BACH2: variants seen among roughly 807,000 people sequenced by gnomAD.
BACH2 encodes BACH transcriptional regulator 2.
BACH2 carries 5 observed loss-of-function variants against 61.8 expected under a neutral mutation model. The ratio of observed to expected loss-of-function variants is 0.08; its 90% CI spans 0.04 to 0.17. BACH2 has a LOEUF of 0.17. Among genes scored for constraint, BACH2 ranks in the 10% least tolerant of loss-of-function variants. BACH2 has a pLI of 1.00. For missense variants in BACH2, 824 were observed against 1,091.1 expected (o/e 0.76, Z 3.45); for synonymous variants, 446 against 440.1 (o/e 1.01, Z -0.17).
chr6:90,219,814 ACG>A lies in BACH2; in HGVS notation c.-274-13135_-274-13134del, dbSNP rs769933626. Among the ~76,000 whole-genome samples the A allele has an allele frequency of 6.1e-4, 69 of 113,708 alleles. 1 individual carries two copies. The highest frequency in any genetic ancestry group is 4.9e-3 in the Middle Eastern group (1 of 204). The allele number at this position is 113,708 out of a possible 152,430, so 74.6% of individuals were successfully genotyped here. On this transcript the variant is annotated intron_variant, in intron 3 of 8. Transcript: ENST00000257749. ...CACACACACACACACACACACACAC[ACG>A]CTCCCGAAGTTTGCCTCTGCATTCA...
intron 6 of BACH2, among the ~76,000 whole-genome samples, chr6:90,006,312 G>C (rs1487825246): frequency 1.3e-5 from 2 of 152,158 alleles, no homozygotes; most frequent in Admixed American, 1.3e-4. Flanking sequence ...ATCTCACCTA[G>C]TCCTCATGGC....
intron 3 of BACH2, among the ~76,000 whole-genome samples, chr6:90,214,383 C>G (rs1048314136): frequency 3.9e-5 from 6 of 152,112 alleles, no homozygotes; most frequent in Admixed American, 3.9e-4. Flanking sequence ...CTGTACAATT[C>G]AGGCAAACAT....
chr6:89,964,396 T>C (rs1774933326), intron 6 of BACH2, among the ~76,000 whole-genome samples: 1 of 152,188 alleles, frequency 6.6e-6, no homozygotes, highest in South Asian at 2.1e-4. Flanking sequence ...ATTGAACTTA[T>C]TTAACACTAC....
At chr6:89,962,076 G>A (rs1290186814) in intron 6 of BACH2, among the ~76,000 whole-genome samples, 1 of 152,026 alleles carries the variant, frequency 6.6e-6, no homozygotes. Flanking sequence ...TCTTCTCTTT[G>A]TTTTGCAAAT....
At chr6:90,027,475 GA>G (rs1268540649) in intron 5 of BACH2, among the ~76,000 whole-genome samples, 1 of 152,158 alleles carries the variant, frequency 6.6e-6, no homozygotes, top group Non-Finnish European at 1.5e-5. Context: ...TTAAGGAAGA[GA>G]TTTTTTTTTA....
intron 3 of BACH2, among the ~76,000 whole-genome samples, chr6:90,216,075 T>C (rs1411714292): frequency 6.6e-6 from 1 of 152,106 alleles, no homozygotes; most frequent in Admixed American, 6.5e-5. Context: ...CCTTAACACA[T>C]CAGGGAGGTC....
At chr6:90,099,528 G>GC (rs1372299918) in intron 4 of BACH2, among the ~76,000 whole-genome samples, 1 of 152,142 alleles carries the variant, frequency 6.6e-6, no homozygotes, top group Non-Finnish European at 1.5e-5. Flanking sequence ...ACAGGTGTGT[G>GC]CCCTTAAAAC....
chr6:90,080,010 T>C (rs559730582), intron 5 of BACH2, among the ~76,000 whole-genome samples: 1 of 152,032 alleles, frequency 6.6e-6, no homozygotes, highest in East Asian at 1.9e-4. Context: ...TGTCAGTCAG[T>C]GTACAGACAA....
At chr6:90,272,260 GT>G (rs901093015) in intron 1 of BACH2, among the ~76,000 whole-genome samples, 5 of 149,478 alleles carry the variant, frequency 3.3e-5, no homozygotes, top group South Asian at 2.1e-4. Context: ...CTGTTCAGTA[GT>G]TTTTTTTTTC....
At chr6:90,000,196 G>A (rs1318276549) in intron 6 of BACH2, among the ~76,000 whole-genome samples, 1 of 152,098 alleles carries the variant, frequency 6.6e-6, no homozygotes, top group African/African-American at 2.4e-5. Context: ...AATAGTATTA[G>A]CTCCCCTTTC....
intron 4 of BACH2, among the ~76,000 whole-genome samples, chr6:90,103,029 ATTTTTT>A (rs371386234): frequency 1.4e-4 from 3 of 21,164 alleles, no homozygotes; most frequent in African/African-American, 2.4e-4. Flanking sequence ...ATATATATAT[ATTTTTT>A]TTTTTTTTTT....
chr6:89,927,129 T>C lies in BACH2; in HGVS notation c.*5279A>G, dbSNP rs1772395776. On this transcript the variant is annotated 3_prime_UTR_variant, in exon 9 of 9. Coordinates refer to ENST00000257749, the MANE Select transcript of BACH2 (RefSeq NM_021813.4). ...GGTTCTGGAACAAATTGTCAAATTG[T>C]CACAGGCTCTCTTGGCCTCACTAGC... 6.5e-6 allele frequency: 1 copy of C among 152,800 alleles called. No homozygotes were observed. Among genetic ancestry groups the C allele is most frequent in the African/African-American group, 2.4e-5 (1 of 41,458 alleles). The allele number at this position is 152,800 out of a possible 1,614,324, so 9.5% of individuals were successfully genotyped here.
intron 1 of BACH2, among the ~76,000 whole-genome samples, chr6:90,293,018 A>T (rs144067881): frequency 2.1e-3 from 325 of 152,290 alleles, no homozygotes; most frequent in African/African-American, 7.4e-3. Flanking sequence ...TAAGTACATA[A>T]TTTGCAGGGC....
intron 6 of BACH2, among the ~76,000 whole-genome samples, chr6:90,007,072 A>G (rs1216765054): frequency 1.3e-5 from 2 of 150,892 alleles, no homozygotes; most frequent in African/African-American, 4.9e-5. Flanking sequence ...TAAAATTTTA[A>G]TTATTATTAT....
rs534206638 is a variant in BACH2 at position 89,982,634 on chromosome 6, G to GTA, written c.243+25966_243+25967dup. ...GTTCGGATATCACTCCAGCTTGTGT[G>GTA]TACCATAATAAATATCTGAACAATA... On this transcript the variant is annotated intron_variant, in intron 6 of 8. Coordinates refer to ENST00000257749, the MANE Select transcript of BACH2 (RefSeq NM_021813.4). Among the ~76,000 whole-genome samples the GTA allele has an allele frequency of 5.4e-3, 827 of 152,262 alleles. 3 individuals carry two copies. The highest frequency in any genetic ancestry group is 7.6e-3 in the Non-Finnish European group (520 of 68,010).
intron 7 of BACH2, among the ~76,000 whole-genome samples, chr6:89,939,669 T>C (rs888013138): frequency 7.1e-6 from 1 of 140,578 alleles, no homozygotes; most frequent in African/African-American, 2.7e-5. Flanking sequence ...TTTTTTTTTT[T>C]TTTTTTTTTT....
In BACH2 at chr6:90,124,491, C is replaced by T. The variant is rs150988084; in HGVS notation, c.-161-35382G>A. On this transcript the variant is annotated intron_variant, in intron 4 of 8. Transcript: ENST00000257749. ...GGAAATTGTTAACAATTCAGAATTTCGGGCCCTGACACAGCAGGATGTACT... is the reference window on the plus strand; with the variant it reads ...GGAAATTGTTAACAATTCAGAATTTTGGGCCCTGACACAGCAGGATGTACT... Among the ~76,000 whole-genome samples, 95 of 152,294 alleles carry T rather than the reference C, an allele frequency of 6.2e-4. No individual in the cohort carries two copies. The Middle Eastern group carries it at 0.01, about 16-fold the overall frequency.
intron 4 of BACH2, among the ~76,000 whole-genome samples, chr6:90,188,326 GGGT>G (rs1322095649): frequency 6.6e-6 from 1 of 152,044 alleles, no homozygotes; most frequent in Non-Finnish European, 1.5e-5. Context: ...GTTTAAGTGT[GGGT>G]TAACTTATGG....
chr6:90,002,862 T>C (rs946130056), intron 6 of BACH2, among the ~76,000 whole-genome samples: 16 of 152,178 alleles, frequency 1.1e-4, no homozygotes, highest in Non-Finnish European at 2.4e-4. Flanking sequence ...TCTCAGTTAA[T>C]GCCAACTCCA....
Sources: allele counts gnomAD v4.1 joint callset (sites outside exome capture counted in the v4.1 genomes callset), GRCh38; gene constraint gnomAD v4.1.1; transcripts MANE v1.5; gene names NCBI Gene and HGNC (gene_info 2026-07-23, HGNC 2026-07-21).